Variants in FILIP1L observed in about 807,000 individuals in gnomAD.
FILIP1L encodes filamin A-interacting protein 1-like.
A neutral mutation model predicts 96.6 loss-of-function variants in FILIP1L; 55 were observed. The observed-to-expected ratio is 0.57, with a 90% confidence interval of 0.46 to 0.71. The LOEUF is 0.71. FILIP1L is among the 30% of genes least tolerant of loss of function. FILIP1L has a pLI of 0.00. For missense variants in FILIP1L, 1,304 were observed against 1,321.2 expected, an observed-to-expected ratio of 0.99 and a Z score of 0.20; for synonymous variants, 467 against 473.9, an observed-to-expected ratio of 0.99 and a Z score of 0.19.
chr3:100,052,025 A>G lies in FILIP1L; in HGVS notation c.-11+62028T>C, dbSNP rs1029004232. Among the ~76,000 whole-genome samples, 14 of 151,722 alleles carry G rather than the reference A, an allele frequency of 9.2e-5. No individual in the cohort carries two copies. In the East Asian group the frequency reaches 1.2e-3, roughly 13 times the overall value. On this transcript the variant is annotated intron_variant, in intron 1 of 5. Coordinates refer to ENST00000477258, the MANE Select transcript of FILIP1L (RefSeq NM_001387850.1). ...ATATTTCAAGCAAGAAACACATGCA[A>G]TTTACCAACTCACCCTTAAATGATC...
chr3:99,957,287 A>G (rs1559703069), intron 1 of FILIP1L, among the ~76,000 whole-genome samples: 1 of 152,238 alleles, frequency 6.6e-6, no homozygotes, highest in African/African-American at 2.4e-5. Flanking sequence ...CATAGCAGCT[A>G]TTCTTAAGAA....
intron 1 of FILIP1L, among the ~76,000 whole-genome samples, chr3:100,094,674 C>CTTTT (rs71132509): frequency 3.5e-5 from 2 of 57,002 alleles, no homozygotes; most frequent in African/African-American, 6.7e-5. Flanking sequence ...GAAAAGCTGC[C>CTTTT]TTTTTTTTTT....
In FILIP1L at chr3:99,920,542, C is replaced by T. The variant is rs79844624; in HGVS notation, c.605+3688G>A. On this transcript the variant is annotated intron_variant, in intron 4 of 5. Transcript: ENST00000477258. ...CCACATGTTGGAGCTGGTCAGTGAACGTTGTCATGAAACATGGATAGAATA... is the reference window on the plus strand; with the variant it reads ...CCACATGTTGGAGCTGGTCAGTGAATGTTGTCATGAAACATGGATAGAATA... Among the ~76,000 whole-genome samples, 1,251 of 152,278 alleles carry T rather than the reference C, an allele frequency of 8.2e-3. 20 individuals are homozygous for T. The highest frequency in any genetic ancestry group is 0.025 in the African/African-American group (1,024 of 41,552).
At chr3:100,034,111 T>G (rs188893988) in intron 1 of FILIP1L, among the ~76,000 whole-genome samples, 11 of 152,352 alleles carry the variant, frequency 7.2e-5, no homozygotes, top group Admixed American at 2.0e-4. Context: ...TGCATCATCA[T>G]CCATTGAAAT....
chr3:100,066,066 A>T (rs924372358), intron 1 of FILIP1L, among the ~76,000 whole-genome samples: 1 of 152,244 alleles, frequency 6.6e-6, no homozygotes, highest in Non-Finnish European at 1.5e-5. Context: ...GCTATAAGGG[A>T]TAAGAGAACT....
intron 1 of FILIP1L, among the ~76,000 whole-genome samples, chr3:99,984,962 G>A (rs1709287644): frequency 6.6e-6 from 1 of 152,108 alleles, no homozygotes; most frequent in Non-Finnish European, 1.5e-5. Context: ...GCTCTTAGAA[G>A]AAAAGATTTA....
In FILIP1L at chr3:99,983,855, T is replaced by C. The variant is rs956091153; in HGVS notation, c.-10-52825A>G. Among the ~76,000 whole-genome samples, 4 of 151,982 alleles carry C rather than the reference T, an allele frequency of 2.6e-5. No individual in the cohort carries two copies. The South Asian group carries it at 6.2e-4, about 24-fold the overall frequency. On this transcript the variant is annotated intron_variant, in intron 1 of 5. Transcript: ENST00000477258. ...TGGACCATCTGATGAAATAAACTTA[T>C]AATGTAGAATAACTTGCCAGAAGAA...
intron 1 of FILIP1L, among the ~76,000 whole-genome samples, chr3:100,034,423 A>G (rs1449157333): frequency 6.6e-6 from 1 of 152,226 alleles, no homozygotes; most frequent in Non-Finnish European, 1.5e-5. Flanking sequence ...AGAATTCACT[A>G]GCATTTTCAC....
At chr3:100,011,667 A>G (rs1427994716) in intron 1 of FILIP1L, 1 of 152,218 alleles carries the variant, frequency 6.6e-6, no homozygotes. Context: ...CTGCCAAAAA[A>G]GTTCATGTAT....
In FILIP1L at chr3:99,996,439, T is replaced by C. The variant is rs532104208; in HGVS notation, c.-10-65409A>G. 2.6e-5 allele frequency among the ~76,000 whole-genome samples: 4 copies of C among 152,304 alleles called. No homozygotes were observed. In the South Asian group the frequency reaches 8.3e-4, roughly 32 times the overall value. On this transcript the variant is annotated intron_variant, in intron 1 of 5. Transcript: ENST00000477258. Reference sequence around the variant, plus strand: ...TTTCCCACATTTTCCTGTCTTCTTCTGAGCCCTCCAAACTGTTCCAACCTC... The same window carrying C: ...TTTCCCACATTTTCCTGTCTTCTTCCGAGCCCTCCAAACTGTTCCAACCTC...
Position 100,062,093 on chromosome 3 carries a change from C to CTTTTTTTTTTTTTTTT in FILIP1L, c.-11+51944_-11+51959dup, listed in dbSNP as rs71907944. 7.3e-4 allele frequency among the ~76,000 whole-genome samples: 39 copies of CTTTTTTTTTTTTTTTT among 53,180 alleles called. 6 individuals are homozygous for CTTTTTTTTTTTTTTTT. Among genetic ancestry groups the CTTTTTTTTTTTTTTTT allele is most frequent in the South Asian group, 1.2e-3 (2 of 1,680 alleles). The allele number at this position is 53,180 out of a possible 152,430, so 34.9% of individuals were successfully genotyped here. Reference sequence around the variant, plus strand: ...CCACTTGTGGTTATCCTGTCTTCTTCTTTTTTTTTTTTTTTTTTTTTTTTT... The same window carrying CTTTTTTTTTTTTTTTT: ...CCACTTGTGGTTATCCTGTCTTCTTCTTTTTTTTTTTTTTTTTTTTTTTTTTTTTTTTTTTTTTTTT... On this transcript the variant is annotated intron_variant, in intron 1 of 5. Transcript: ENST00000477258.
intron 1 of FILIP1L, among the ~76,000 whole-genome samples, chr3:99,961,778 CT>C (rs1708498516): frequency 6.6e-6 from 1 of 152,168 alleles, no homozygotes; most frequent in Admixed American, 6.5e-5. Context: ...CCGATCTTGC[CT>C]TTCCCCCTTT....
chr3:100,106,492 A>G (rs1245910558), intron 1 of FILIP1L, among the ~76,000 whole-genome samples: 1 of 152,160 alleles, frequency 6.6e-6, no homozygotes, highest in East Asian at 1.9e-4. Context: ...GGAGCCACCC[A>G]TCTGAAAACT....
intron 1 of FILIP1L, among the ~76,000 whole-genome samples, chr3:100,077,753 TAAA>T (rs1211268814): frequency 6.6e-6 from 1 of 151,754 alleles, no homozygotes; most frequent in Admixed American, 6.6e-5. Context: ...CTACAAGAAA[TAAA>T]AAAATTAGCC....
At chr3:100,103,315 A>C (rs1391762262) in intron 1 of FILIP1L, among the ~76,000 whole-genome samples, 1 of 152,218 alleles carries the variant, frequency 6.6e-6, no homozygotes, top group Non-Finnish European at 1.5e-5. Flanking sequence ...CAGAACCCGA[A>C]GTCTTGAGCA....
intron 4 of FILIP1L, among the ~76,000 whole-genome samples, chr3:99,900,407 T>C (rs554946550): frequency 2.0e-5 from 3 of 152,238 alleles, no homozygotes; most frequent in Non-Finnish European, 4.4e-5. Flanking sequence ...ACAGCAGCCC[T>C]ATAAGGGTTA....
At chr3:99,923,813 C>T (rs1459194037) in intron 4 of FILIP1L, among the ~76,000 whole-genome samples, 1 of 152,256 alleles carries the variant, frequency 6.6e-6, no homozygotes, top group East Asian at 1.9e-4. Context: ...TTCCTTTTCT[C>T]ATCCTACAAT....
rs202181326 is a variant in FILIP1L, at chr3:99,948,691, AAGG to A, written c.-10-17664_-10-17662del. Among the ~76,000 whole-genome samples the A allele has an allele frequency of 6.7e-3, 999 of 149,538 alleles. 17 individuals carry two copies. The highest frequency in any genetic ancestry group is 0.023 in the African/African-American group (943 of 40,546). On this transcript the variant is annotated intron_variant, in intron 1 of 5. Transcript: ENST00000477258. ...GGGAAAGAGGAAGAAGAAGAGGAGA[AAGG>A]AGAGAGAAAGGGAGAGGAAGGGAAA...
chr3:100,010,849 G>A (rs1021072988), intron 1 of FILIP1L, among the ~76,000 whole-genome samples: 17 of 140,478 alleles, frequency 1.2e-4, no homozygotes, highest in African/African-American at 3.5e-4. Flanking sequence ...GGCTGGTCTC[G>A]AACTCCTGAC....
Sources: gnomAD v4.1 joint callset for allele counts (sites outside exome capture counted in the v4.1 genomes callset) on GRCh38, gnomAD v4.1.1 for gene constraint, MANE v1.5 for transcripts, NCBI Gene and HGNC (gene_info 2026-07-23, HGNC 2026-07-21) for gene names.